The following BACE1 variants were observed in gnomAD, a reference collection of about 807,000 sequenced individuals.
BACE1 encodes the protein APP beta-secretase.
A neutral mutation model predicts 54.0 loss-of-function variants in BACE1; 21 were observed. The observed-to-expected ratio is 0.39, with a 90% CI of 0.28 to 0.56. The LOEUF (loss-of-function observed/expected upper bound fraction) is 0.56. Among genes scored for constraint, BACE1 ranks in the 20% least tolerant of loss-of-function variants. The probability of loss-of-function intolerance (pLI) is 0.63; values close to 1 mark genes in which losing one functional copy is unlikely to be tolerated. For missense variants in BACE1, 511 were observed against 661.2 expected (o/e 0.77, Z 2.49); for synonymous variants, 232 against 260.9 (o/e 0.89, Z 1.07).
chr11:117,305,080 C>T (rs1354770412), intron 1 of BACE1, among the ~76,000 whole-genome samples: 1 of 151,946 alleles, frequency 6.6e-6, no homozygotes, highest in Non-Finnish European at 1.5e-5. Flanking sequence ...GCACCCGCCA[C>T]TACGCCCAGC....
chr11:117,315,438 C>T lies in BACE1; in HGVS notation c.261+97G>A. ...GGAGGGGTCCCTCCTGCTGTCCCCA[C>T]CAGCCCATTTGAGCAGGGGCTAGCT... is the stretch of plus-strand genomic sequence containing the variant. On this transcript the variant is annotated intron_variant, in intron 1 of 8. Transcript: ENST00000313005. The surrounding 1 kb of genome is among the most constrained non-coding windows in gnomAD (Gnocchi z 5.5). The T allele has an allele frequency of 6.8e-7, 1 of 1,480,286 alleles. No homozygotes were observed. The highest frequency in any genetic ancestry group is 9.0e-7 in the Non-Finnish European group (1 of 1,115,496). 91.7% of individuals were successfully genotyped at this position (1,480,286 alleles called of 1,614,324 possible). A position where few individuals can be genotyped will look rare whatever the true frequency, so the allele number is the denominator to read the frequency against.
chr11:117,295,244 G>A lies in BACE1; in HGVS notation c.454C>T (p.Pro152Ser). 1 of 1,614,160 alleles carries A rather than the reference G, an allele frequency of 6.2e-7. No individual in the cohort carries two copies. The highest frequency in any genetic ancestry group is 8.5e-7 in the Non-Finnish European group (1 of 1,180,044). ...GTDLVSIPHG[P>S]NVTVRANIAA... ...ATGTTGGCACGCACAGTGACGTTGG[G>A]GCCATGGGGGATGCTTACCAGGTCG... is the stretch of plus-strand genomic sequence containing the variant. Residue 152 changes from proline (P) to serine (S), a missense_variant, in exon 3 of 9, where the codon CCC becomes TCC. Physicochemically the swap from Pro to Ser is moderately conservative, Grantham distance 74. Coordinates refer to ENST00000313005, the MANE Select transcript of BACE1 (RefSeq NM_012104.6).
chr11:117,299,205 A>G (rs945203297), intron 1 of BACE1, among the ~76,000 whole-genome samples: 13 of 152,152 alleles, frequency 8.5e-5, no homozygotes, highest in Non-Finnish European at 1.9e-4. Flanking sequence ...CTCACAGGCA[A>G]AAAAAGGAAA....
Position 117,293,739 on chromosome 11 carries a change from G to T in BACE1, c.705+132C>A. ...AGAATGGAAAAATAAAGTAAGGGTA[G>T]GGAATATAAAGAGGTTCCTCCTGAT... is the stretch of plus-strand genomic sequence containing the variant. On this transcript the variant is annotated intron_variant, in intron 4 of 8. Coordinates refer to ENST00000313005, the MANE Select transcript of BACE1 (RefSeq NM_012104.6). The surrounding 1 kb of genome is among the most constrained non-coding windows in gnomAD (Gnocchi z 4.1). 1 of 891,398 alleles carries T rather than the reference G, an allele frequency of 1.1e-6. No homozygotes were observed. The highest frequency in any genetic ancestry group is 1.6e-6 in the Non-Finnish European group (1 of 628,660). 55.2% of individuals were successfully genotyped at this position (891,398 alleles called of 1,614,324 possible). A position where few individuals can be genotyped will look rare whatever the true frequency, so the allele number is the denominator to read the frequency against.
intron 2 of BACE1, 104 bp from the exon 3 acceptor site, chr11:117,295,451 C>G: frequency 6.5e-7 from 1 of 1,541,700 alleles, no homozygotes; most frequent in Non-Finnish European, 8.7e-7. Context: ...TCAGGGGAAT[C>G]CTAGAGTCTG....
intron 1 of BACE1, among the ~76,000 whole-genome samples, chr11:117,300,857 T>C (rs1234533915): frequency 6.6e-6 from 1 of 152,086 alleles, no homozygotes; most frequent in Admixed American, 6.6e-5. Flanking sequence ...CAGATGCTCA[T>C]CTCTTCATTA....
chr11:117,295,467 A>G, intron 2 of BACE1, 120 bp from the exon 3 acceptor site: 2 of 1,538,282 alleles, frequency 1.3e-6, no homozygotes, highest in Non-Finnish European at 1.7e-6. Context: ...GTCTGCTTTC[A>G]GGCTGCTCAG....
chr11:117,292,564 T>A (rs571568824), intron 5 of BACE1, among the ~76,000 whole-genome samples: 1 of 152,346 alleles, frequency 6.6e-6, no homozygotes, highest in South Asian at 2.1e-4. Flanking sequence ...TTAGTTACCT[T>A]TTATTGAGTA....
chr11:117,292,047 G>A (rs1329651847), intron 5 of BACE1: 10 of 308,028 alleles, frequency 3.2e-5, no homozygotes, highest in Admixed American at 4.4e-5. Flanking sequence ...AATCAGCAAT[G>A]TAAAGCACTT....
At chr11:117,311,373 C>T (rs920475097) in intron 1 of BACE1, among the ~76,000 whole-genome samples, 1 of 152,150 alleles carries the variant, frequency 6.6e-6, no homozygotes, top group African/African-American at 2.4e-5. Context: ...AAGCCATCCC[C>T]TCCTGCCACC....
Position 117,290,987 on chromosome 11 carries a change from G to C in BACE1, c.1005C>G (p.Thr335=). 1 of 1,614,200 alleles carries C rather than the reference G, an allele frequency of 6.2e-7. No individual in the cohort carries two copies. Among genetic ancestry groups the C allele is most frequent in the Non-Finnish European group, 8.5e-7 (1 of 1,180,028 alleles). ...TGACTGGGAAAATGTTCCAAGGGGTGGTGCCTGCTTGCCAGCACACCAGCT... is the reference window on the plus strand; with the variant it reads ...TGACTGGGAAAATGTTCCAAGGGGTCGTGCCTGCTTGCCAGCACACCAGCT... ...GEQLVCWQAG[T]TPWNIFPVIS... Residue 335 remains threonine, a synonymous_variant, in exon 7 of 9, where the codon ACC becomes ACG. Coordinates refer to ENST00000313005, the MANE Select transcript of BACE1 (RefSeq NM_012104.6).
chr11:117,295,690 T>C (rs2034581773), intron 2 of BACE1: 2 of 1,499,800 alleles, frequency 1.3e-6, no homozygotes. Context: ...TTCCGCCCTC[T>C]GGCTCCGTCA....
rs750337968 is a variant in BACE1, at chr11:117,293,214, C to T, written c.706-26G>A. On this transcript the variant is annotated intron_variant, in intron 4 of 8. Transcript: ENST00000313005. This position sits in a 1 kb window ranked among gnomAD's most constrained non-coding sequence, Gnocchi z 4.1. ...CTAGGGAAAAAAAGAGGCAGGTACC[C>T]GTGTCCTGGCACAGAAGGAGAGTGA... 2.6e-5 allele frequency: 42 copies of T among 1,610,278 alleles called. No individual in the cohort carries two copies. The highest frequency in any genetic ancestry group is 5.4e-5 in the African/African-American group (4 of 74,748).
chr11:117,294,200 GGT>G, intron 3 of BACE1, 192 bp from the exon 4 acceptor site: 1 of 457,358 alleles, frequency 2.2e-6, no homozygotes, highest in Non-Finnish European at 3.8e-6. Context: ...AGTATTGATA[GGT>G]TCACAGATTC....
chr11:117,296,548 C>G (rs1338077767), intron 2 of BACE1, among the ~76,000 whole-genome samples: 31 of 152,106 alleles, frequency 2.0e-4, no homozygotes. Flanking sequence ...TTTTCGTCTC[C>G]CCATTCAGGC....
At chr11:117,305,810 C>G (rs750595245) in intron 1 of BACE1, among the ~76,000 whole-genome samples, 1 of 151,976 alleles carries the variant, frequency 6.6e-6, no homozygotes, top group African/African-American at 2.4e-5. Context: ...CCGAGGCGGA[C>G]GGATCACAAA....
intron 1 of BACE1, among the ~76,000 whole-genome samples, chr11:117,312,294 A>G (rs981385430): frequency 1.3e-5 from 2 of 152,202 alleles, no homozygotes; most frequent in African/African-American, 4.8e-5. Flanking sequence ...ATTACAGTAC[A>G]GTGGGATAGT....
At chr11:117,309,189 C>A (rs559920453) in intron 1 of BACE1, among the ~76,000 whole-genome samples, 6 of 152,154 alleles carry the variant, frequency 3.9e-5, no homozygotes, top group Non-Finnish European at 8.8e-5. Flanking sequence ...TCCTGAGATC[C>A]TTGTTTGCAT....
At chr11:117,294,085 G>A in intron 3 of BACE1, 77 bp from the exon 4 acceptor site, 1 of 1,521,216 alleles carries the variant, frequency 6.6e-7, no homozygotes, top group South Asian at 1.3e-5. Context: ...TAAACTGGAA[G>A]GCAAATTTGA....
Sources: gnomAD v4.1 joint callset for allele counts (sites outside exome capture counted in the v4.1 genomes callset) on GRCh38, gnomAD v4.1.1 for gene constraint, Gnocchi (gnomAD v3.1) non-coding constraint, MANE v1.5 for transcripts, NCBI Gene and HGNC (gene_info 2026-07-23, HGNC 2026-07-21) for gene names.